The following FNBP1 variants were observed in gnomAD, a reference collection of about 807,000 sequenced individuals.
FNBP1 encodes the protein formin binding protein 1.
Under a neutral mutation model 90.6 loss-of-function variants are expected in FNBP1, and 26 were observed. The observed-to-expected ratio is 0.29, with a 90% CI of 0.21 to 0.40. The LOEUF (loss-of-function observed/expected upper bound fraction) is 0.40, where lower values mean the gene tolerates loss of function less well. Ranked by LOEUF, FNBP1 falls within the 10% of genes least tolerant of loss-of-function variation. FNBP1 has a pLI of 1.00. For missense variants in FNBP1, 635 were observed against 768.0 expected (o/e 0.83, Z 2.05); for synonymous variants, 260 against 265.2 (o/e 0.98, Z 0.19).
chr9:129,909,744 C>G (rs2038884847), intron 11 of FNBP1, among the ~76,000 whole-genome samples: 1 of 152,152 alleles, frequency 6.6e-6, no homozygotes, highest in Non-Finnish European at 1.5e-5. Flanking sequence ...CTGCCTCAGC[C>G]TCCTAAGTAG....
chr9:129,932,842 CTCT>C (rs1169990673), intron 6 of FNBP1, among the ~76,000 whole-genome samples: 1 of 152,088 alleles, frequency 6.6e-6, no homozygotes, highest in African/African-American at 2.4e-5. Flanking sequence ...AGTAGCCCTC[CTCT>C]GTTTAAATAA....
chr9:129,952,056 G>T (rs2046260215), intron 6 of FNBP1, among the ~76,000 whole-genome samples: 1 of 151,592 alleles, frequency 6.6e-6, no homozygotes, highest in Admixed American at 6.6e-5. Flanking sequence ...GCCAGGTGTG[G>T]TGGCTCATAC....
intron 1 of FNBP1, among the ~76,000 whole-genome samples, chr9:130,011,906 T>C (rs2056657577): frequency 1.3e-5 from 2 of 152,294 alleles, no homozygotes; most frequent in South Asian, 4.1e-4. Context: ...GAGAACAAAA[T>C]TCTAAGATTT....
chr9:129,965,855 G>C (rs183223634), intron 4 of FNBP1, among the ~76,000 whole-genome samples: 1 of 151,064 alleles, frequency 6.6e-6, no homozygotes, highest in Admixed American at 6.6e-5. Context: ...AAGGAAGGAA[G>C]GAAATCAATC....
At chr9:129,938,914 C>T (rs896482315) in intron 6 of FNBP1, among the ~76,000 whole-genome samples, 1 of 152,118 alleles carries the variant, frequency 6.6e-6, no homozygotes, top group Non-Finnish European at 1.5e-5. Flanking sequence ...CCCTTTCCCC[C>T]CTGGTTTCTC....
intron 1 of FNBP1, among the ~76,000 whole-genome samples, chr9:130,022,812 TACAGGTGTGCGTTAGC>T (rs566337009): frequency 1.1e-3 from 160 of 152,302 alleles, no homozygotes; most frequent in African/African-American, 3.7e-3. Flanking sequence ...TACCTAGGAC[TACAGGTGTGCGTTAGC>T]ACGCCCAACT....
intron 6 of FNBP1, among the ~76,000 whole-genome samples, chr9:129,956,353 C>G (rs905771070): frequency 5.9e-5 from 9 of 152,134 alleles, no homozygotes; most frequent in Non-Finnish European, 4.4e-5. Flanking sequence ...AGTGCTTTCA[C>G]CCACATACAG....
Position 130,032,417 on chromosome 9 carries a change from C to T in FNBP1, c.24+10535G>A, listed in dbSNP as rs116649228. Among the ~76,000 whole-genome samples the T allele has an allele frequency of 5.3e-3, 804 of 152,254 alleles. 2 individuals are homozygous for T. Among genetic ancestry groups the T allele is most frequent in the African/African-American group, 0.018 (760 of 41,548 alleles). On this transcript the variant is annotated intron_variant, in intron 1 of 16. Coordinates refer to ENST00000446176, the MANE Select transcript of FNBP1 (RefSeq NM_015033.3). ...AACGCCTGAGTTCAAGCTATCCTCT[C>T]GCCTTGGCCTCCCCAAATGCTGGGA...
At chr9:129,967,506 T>A (rs2048800631) in intron 4 of FNBP1, among the ~76,000 whole-genome samples, 1 of 151,638 alleles carries the variant, frequency 6.6e-6, no homozygotes, top group Non-Finnish European at 1.5e-5. Context: ...AGAGTGAGAC[T>A]CCGTCTCAGA....
intron 4 of FNBP1, among the ~76,000 whole-genome samples, chr9:129,971,052 A>ATT (rs200223968): frequency 6.8e-6 from 1 of 146,346 alleles, no homozygotes; most frequent in Non-Finnish European, 1.5e-5. Context: ...CACCCAGCTA[A>ATT]TTTTTTTTTT....
chr9:129,889,805 C>T lies in FNBP1; in HGVS notation c.*734G>A, dbSNP rs1402035296. 3 of 232,540 alleles carry T rather than the reference C, an allele frequency of 1.3e-5. No homozygotes were observed. Among genetic ancestry groups the T allele is most frequent in the South Asian group, 1.8e-4 (1 of 5,622 alleles). The allele number at this position is 232,540 out of a possible 1,614,324, so 14.4% of individuals were successfully genotyped here. On this transcript the variant is annotated 3_prime_UTR_variant, in exon 17 of 17. Coordinates refer to ENST00000446176, the MANE Select transcript of FNBP1 (RefSeq NM_015033.3). ...CGAGTCAACAAGGCGAGCTGGAATT[C>T]GACTTCCAGTGTGGACCTCCCCAGG...
intron 6 of FNBP1, among the ~76,000 whole-genome samples, chr9:129,936,095 T>C (rs1251736487): frequency 6.6e-6 from 1 of 152,190 alleles, no homozygotes; most frequent in Non-Finnish European, 1.5e-5. Flanking sequence ...TTTTCCTTTG[T>C]TGAAAGGATA....
At chr9:129,908,845 C>T (rs372902628) in intron 12 of FNBP1, 45 bp downstream of exon 12, 31 of 1,312,108 alleles carry the variant, frequency 2.4e-5, no homozygotes, top group African/African-American at 1.7e-4. Flanking sequence ...TGAGCCACTG[C>T]GCCTGGCCTT....
At position 129,965,708 on chromosome 9, in the gene FNBP1, G is replaced by GCGCA. The variant is rs1554821703; in HGVS notation, c.346-7156_346-7155insTGCG. 5.4e-3 allele frequency among the ~76,000 whole-genome samples: 792 copies of GCGCA among 145,556 alleles called. 16 individuals are homozygous for GCGCA. The highest frequency in any genetic ancestry group is 0.018 in the African/African-American group (698 of 39,368). On this transcript the variant is annotated intron_variant, in intron 4 of 16. Coordinates refer to ENST00000446176, the MANE Select transcript of FNBP1 (RefSeq NM_015033.3). ...AACACACACACACACGCGCGCGCGCGCACACACACACACACATAGAAAGAA... is the reference window on the plus strand; with the variant it reads ...AACACACACACACACGCGCGCGCGCGCGCACACACACACACACACATAGAAAGAA...
intron 2 of FNBP1, among the ~76,000 whole-genome samples, chr9:129,983,450 A>T (rs2051610964): frequency 6.6e-6 from 1 of 152,160 alleles, no homozygotes; most frequent in South Asian, 2.1e-4. Flanking sequence ...AACTGCTACA[A>T]AAAAAAGATC....
the FNBP1 span, among the ~76,000 whole-genome samples, chr9:130,048,642 C>A: frequency 2.6e-5 from 4 of 151,070 alleles, no homozygotes; most frequent in South Asian, 2.1e-4. Context: ...TCACGCCCGG[C>A]TAATTTTTTG....
In FNBP1 at chr9:129,888,669, A is replaced by C. The variant is rs2034882690; in HGVS notation, c.*1870T>G. 4.3e-6 allele frequency: 1 copy of C among 232,960 alleles called. No homozygotes were observed. Among genetic ancestry groups the C allele is most frequent in the African/African-American group, 2.2e-5 (1 of 45,290 alleles). 14.4% of individuals were successfully genotyped at this position (232,960 alleles called of 1,614,324 possible). On this transcript the variant is annotated 3_prime_UTR_variant, in exon 17 of 17. Transcript: ENST00000446176. ...TCACCTACTTTAAAAACCCAAAGCC[A>C]CTTCCTCTTCACCTGCCTGGGCCTC...
intron 2 of FNBP1, among the ~76,000 whole-genome samples, chr9:129,991,758 C>T (rs1467855327): frequency 1.3e-5 from 2 of 150,656 alleles, no homozygotes; most frequent in Non-Finnish European, 1.5e-5. Flanking sequence ...CTTCTGGGTT[C>T]ATGCCATTCT....
intron 1 of FNBP1, among the ~76,000 whole-genome samples, chr9:130,004,797 G>A (rs1431076360): frequency 1.3e-5 from 2 of 152,190 alleles, no homozygotes; most frequent in African/African-American, 4.8e-5. Context: ...CGGGCGTGGT[G>A]GCTCACGCCT....
Sources: allele counts gnomAD v4.1 joint callset (sites outside exome capture counted in the v4.1 genomes callset), GRCh38; gene constraint gnomAD v4.1.1; transcripts MANE v1.5; gene names NCBI Gene and HGNC (gene_info 2026-07-23, HGNC 2026-07-21).